The following OGG1 variants were observed in gnomAD, a reference collection of about 807,000 sequenced individuals.
OGG1 encodes the protein 8-oxoguanine DNA glycosylase.
Under a neutral mutation model 42.3 loss-of-function variants are expected in OGG1, and 35 were observed. That is an observed-to-expected ratio of 0.83 (90% CI 0.63 to 1.10). OGG1 has a LOEUF of 1.10. OGG1 is among the 50% of genes least tolerant of loss of function. OGG1 has a pLI of 0.00. For synonymous variants in OGG1, 189 were observed against 179.0 expected (o/e 1.06, Z -0.44); for missense variants, 484 against 446.7 (o/e 1.08, Z -0.75).
intron 7 of OGG1, chr3:9,763,002 G>A (rs1369335655): frequency 6.2e-7 from 1 of 1,614,042 alleles, no homozygotes; most frequent in Non-Finnish European, 8.5e-7. Flanking sequence ...GTCCCGCTCC[G>A]TGTAGAAGCC....
At chr3:9,774,161 C>A (rs945979316) in intron 2 of OGG1, among the ~76,000 whole-genome samples, 1 of 152,120 alleles carries the variant, frequency 6.6e-6, no homozygotes, top group African/African-American at 2.4e-5. Flanking sequence ...TGAATCCCAG[C>A]ACTTTGGGAG....
chr3:9,759,119 C>T, downstream of OGG1: 7 of 1,314,170 alleles, frequency 5.3e-6, no homozygotes, highest in Non-Finnish European at 7.7e-6. Flanking sequence ...AGGCTTAGCA[C>T]TTGCACTTCC....
intron 2 of OGG1, among the ~76,000 whole-genome samples, chr3:9,776,677 C>T (rs868860315): frequency 2.6e-5 from 4 of 152,190 alleles, no homozygotes; most frequent in South Asian, 2.1e-4. Flanking sequence ...GCGTGAGCCA[C>T]CGTGCCCGGC....
At chr3:9,752,027 C>A in intron 3 of OGG1, 78 bp downstream of exon 3, 1 of 1,408,886 alleles carries the variant, frequency 7.1e-7, no homozygotes, top group Non-Finnish European at 1.0e-6. Flanking sequence ...GTTACCTTCT[C>A]AAGGCTTCCT....
At chr3:9,780,191 T>C (rs2078426591) in intron 2 of OGG1, 1 of 639,948 alleles carries the variant, frequency 1.6e-6, no homozygotes, top group Non-Finnish European at 2.6e-6. Context: ...GTGTCCTGGT[T>C]GTACAGAGCT....
chr3:9,772,908 A>T (rs1340585132), intron 2 of OGG1, among the ~76,000 whole-genome samples: 1 of 152,198 alleles, frequency 6.6e-6, no homozygotes, highest in South Asian at 2.1e-4. Context: ...GCGTATACAT[A>T]TACATCCTTC....
At position 9,751,115 on chromosome 3, in the gene OGG1, A is replaced by AGCC. The variant is rs754090090; in HGVS notation, c.308_309insGCC (p.Asp103delinsGluPro). The AGCC allele has an allele frequency of 1.2e-5, 20 of 1,614,054 alleles. No homozygotes were observed. In the African/African-American group the frequency reaches 2.7e-4, roughly 22 times the overall value. On this transcript the variant is annotated protein_altering_variant, in exon 2 of 7. Transcript: ENST00000344629. ...GCCGTGCGCAAGTACTTCCAGCTAG[A>AGCC]TGTTACCCTGGCTCAACTGTATCAC...
downstream of OGG1, chr3:9,761,454 C>G: frequency 6.2e-7 from 1 of 1,607,632 alleles, no homozygotes; most frequent in Non-Finnish European, 8.5e-7. Flanking sequence ...GGCCAAGCCC[C>G]ACTTACAAGA....
At chr3:9,769,926 C>T (rs939693619), downstream of OGG1, 1 of 152,242 alleles carries the variant, frequency 6.6e-6, no homozygotes, top group African/African-American at 2.4e-5. Flanking sequence ...CTGGGCCACC[C>T]GCCCGCGCTC....
chr3:9,750,761 C>A, intron 1 of OGG1, 184 bp from the exon 2 acceptor site: 1 of 798,356 alleles, frequency 1.3e-6, no homozygotes, highest in Non-Finnish European at 2.0e-6. Flanking sequence ...TACAGGTGTG[C>A]GCCATGCCCG....
intron 3 of OGG1, chr3:9,787,149 T>C (rs1402028990): frequency 6.2e-7 from 1 of 1,613,962 alleles, no homozygotes; most frequent in Non-Finnish European, 8.5e-7. Flanking sequence ...GGGCTGAAGT[T>C]CTGGAATTCA....
chr3:9,784,039 G>A lies in OGG1; in HGVS notation c.382+2439G>A, dbSNP rs144423650. ...CTGCTAACGCTCACCTCAGCAGGTC[G>A]TGCTTCTTGGTGCGGTTGTGGGCAC... On this transcript the variant is annotated intron_variant, in intron 3 of 3. Coordinates refer to the OGG1 transcript ENST00000426518. The A allele has an allele frequency of 9.9e-6, 16 of 1,613,756 alleles. No individual in the cohort carries two copies. The African/African-American group carries it at 1.1e-4, about 11-fold the overall frequency.
intron 3 of OGG1, chr3:9,783,822 C>T (rs1212270698): frequency 5.6e-6 from 5 of 887,248 alleles, no homozygotes; most frequent in African/African-American, 3.4e-5. Flanking sequence ...CGGTCAGTCA[C>T]AGATGCCTGA....
chr3:9,766,045 T>G, exon 8 of OGG1: 1 of 1,602,582 alleles, frequency 6.2e-7, no homozygotes, highest in Non-Finnish European at 8.5e-7. Context: ...CCAGAGATGG[T>G]CACATGACCC....
intron 3 of OGG1, chr3:9,785,311 C>A: frequency 6.2e-7 from 1 of 1,610,640 alleles, no homozygotes; most frequent in South Asian, 1.1e-5. Context: ...TAGGACACCA[C>A]TCACCTGAAG....
intron 2 of OGG1, among the ~76,000 whole-genome samples, chr3:9,776,388 C>CTTTTTTT (rs57504240): frequency 1.7e-4 from 20 of 121,112 alleles, no homozygotes; most frequent in Admixed American, 3.6e-4. Context: ...TTTTTCTTTT[C>CTTTTTTT]TTTTTTTTTT....
rs35674476 is a variant in OGG1, at chr3:9,774,408, C to CA, written c.295-7085dup. ...AGAATGACAGAGCCAGACTCTGTCTCAAAAAAAAAAAAAAAAAAAACAAAA... is the reference window on the plus strand; with the variant it reads ...AGAATGACAGAGCCAGACTCTGTCTCAAAAAAAAAAAAAAAAAAAAACAAAA... On this transcript the variant is annotated intron_variant, in intron 2 of 3. Transcript: ENST00000426518. 4.8e-3 allele frequency among the ~76,000 whole-genome samples: 559 copies of CA among 116,998 alleles called. 8 individuals are homozygous for CA. Among genetic ancestry groups the CA allele is most frequent in the African/African-American group, 0.018 (469 of 26,778 alleles). 76.8% of individuals were successfully genotyped at this position (116,998 alleles called of 152,430 possible).
chr3:9,768,534 G>T (rs1343393130), downstream of OGG1, among the ~76,000 whole-genome samples: 3 of 152,216 alleles, frequency 2.0e-5, no homozygotes, highest in African/African-American at 7.2e-5. Flanking sequence ...GGGAGACTGA[G>T]GTTGGAGTTA....
intron 2 of OGG1, among the ~76,000 whole-genome samples, chr3:9,775,138 G>T (rs1303894188): frequency 1.3e-5 from 2 of 152,006 alleles, no homozygotes; most frequent in Non-Finnish European, 2.9e-5. Flanking sequence ...TACTCGGGAG[G>T]TTGAGGCAGG....
Sources: gnomAD v4.1 joint callset for allele counts (sites outside exome capture counted in the v4.1 genomes callset) on GRCh38, gnomAD v4.1.1 for gene constraint, MANE v1.5 for transcripts, NCBI Gene and HGNC (gene_info 2026-07-23, HGNC 2026-07-21) for gene names.